CAMK2D: variants seen among roughly 807,000 people sequenced by gnomAD.
The protein encoded by CAMK2D is calcium/calmodulin-dependent protein kinase type II subunit delta.
Under a neutral mutation model 84.0 loss-of-function variants are expected in CAMK2D, and 37 were observed. The ratio of observed to expected loss-of-function variants is 0.44; its 90% CI spans 0.34 to 0.58. The LOEUF (loss-of-function observed/expected upper bound fraction) is 0.58. CAMK2D is among the 20% of genes least tolerant of loss of function. The pLI is 0.02. For synonymous variants in CAMK2D, 202 were observed against 212.5 expected, an observed-to-expected ratio of 0.95 and a Z score of 0.43; for missense variants, 448 against 652.5, an observed-to-expected ratio of 0.69 and a Z score of 3.41.
intron 2 of CAMK2D, among the ~76,000 whole-genome samples, chr4:113,728,131 AC>A (rs2099551706): frequency 6.6e-6 from 1 of 152,290 alleles, no homozygotes; most frequent in Admixed American, 6.5e-5. Context: ...CATACATCTT[AC>A]CTTACAATCC....
At chr4:113,548,437 T>C (rs547445145) in intron 5 of CAMK2D, among the ~76,000 whole-genome samples, 8 of 152,132 alleles carry the variant, frequency 5.3e-5, no homozygotes, top group Non-Finnish European at 1.0e-4. Context: ...ACTTAGCAGG[T>C]TGTATTCTTT....
chr4:113,592,328 T>C (rs1399060884), intron 4 of CAMK2D, among the ~76,000 whole-genome samples: 1 of 152,176 alleles, frequency 6.6e-6, no homozygotes, highest in Non-Finnish European at 1.5e-5. Flanking sequence ...ATGTTTTAAA[T>C]TGTAACTTTT....
chr4:113,736,947 C>T (rs533419386), intron 2 of CAMK2D, among the ~76,000 whole-genome samples: 1 of 152,296 alleles, frequency 6.6e-6, no homozygotes, highest in East Asian at 1.9e-4. Context: ...AGAATTCCAT[C>T]TTTCCCTTCA....
chr4:113,488,108 A>T (rs1293437389), intron 16 of CAMK2D, among the ~76,000 whole-genome samples: 1 of 152,136 alleles, frequency 6.6e-6, no homozygotes, highest in African/African-American at 2.4e-5. Flanking sequence ...TAAAGAAGAT[A>T]GAAGGAATAA....
chr4:113,721,482 A>G (rs767391325), intron 2 of CAMK2D, among the ~76,000 whole-genome samples: 5 of 152,184 alleles, frequency 3.3e-5, no homozygotes, highest in Non-Finnish European at 7.4e-5. Flanking sequence ...CACTAATACA[A>G]TATGTAACTT....
chr4:113,512,156 C>T (rs868499313), intron 12 of CAMK2D, among the ~76,000 whole-genome samples: 1 of 152,288 alleles, frequency 6.6e-6, no homozygotes, highest in African/African-American at 2.4e-5. Flanking sequence ...CCAAAGGTTA[C>T]CAAGTGCGGC....
intron 12 of CAMK2D, among the ~76,000 whole-genome samples, chr4:113,511,344 A>AATATAAAATTCACAT (rs564187595): frequency 9.1e-4 from 138 of 152,278 alleles, no homozygotes; most frequent in African/African-American, 3.1e-3. Flanking sequence ...AATCAGAAAC[A>AATATAAAATTCACAT]ATATAAAATT....
At chr4:113,493,760 C>T (rs1265501049) in intron 16 of CAMK2D, among the ~76,000 whole-genome samples, 2 of 151,764 alleles carry the variant, frequency 1.3e-5, no homozygotes, top group East Asian at 1.9e-4. Context: ...TTCCATTCTC[C>T]CCATCACTTT....
intron 16 of CAMK2D, among the ~76,000 whole-genome samples, chr4:113,478,858 A>G (rs1280309517): frequency 2.0e-5 from 3 of 152,194 alleles, no homozygotes; most frequent in Non-Finnish European, 4.4e-5. Flanking sequence ...TTGTAAAAAA[A>G]ATGACATTTG....
intron 16 of CAMK2D, among the ~76,000 whole-genome samples, chr4:113,467,263 T>C (rs1257679695): frequency 1.3e-5 from 2 of 152,236 alleles, no homozygotes; most frequent in African/African-American, 4.8e-5. Flanking sequence ...TTTTATTCTT[T>C]ATTGACTAAA....
Position 113,706,823 on chromosome 4 carries a change from G to T in CAMK2D, c.161-45051C>A, listed in dbSNP as rs143995367. On this transcript the variant is annotated intron_variant, in intron 2 of 20. Coordinates refer to ENST00000511664, the MANE Select transcript of CAMK2D (RefSeq NM_001321571.2). Reference sequence around the variant, plus strand: ...AATTAATGAAATGATTCAGACAGTTGCATTATCAACCATTCAGGCATAAGT... The same window carrying T: ...AATTAATGAAATGATTCAGACAGTTTCATTATCAACCATTCAGGCATAAGT... Among the ~76,000 whole-genome samples the T allele has an allele frequency of 4.5e-3, 686 of 152,280 alleles. 10 individuals are homozygous for T. The highest frequency in any genetic ancestry group is 0.016 in the African/African-American group (661 of 41,570).
At chr4:113,624,842 G>T (rs1419468837) in intron 3 of CAMK2D, among the ~76,000 whole-genome samples, 1 of 152,134 alleles carries the variant, frequency 6.6e-6, no homozygotes, top group East Asian at 1.9e-4. Context: ...TTAGACACAT[G>T]GTAACCTATA....
intron 2 of CAMK2D, among the ~76,000 whole-genome samples, chr4:113,748,813 C>T (rs1387289248): frequency 6.6e-6 from 1 of 151,668 alleles, no homozygotes; most frequent in Non-Finnish European, 1.5e-5. Context: ...TCCATATTTC[C>T]CCAAATTCTG....
intron 2 of CAMK2D, among the ~76,000 whole-genome samples, chr4:113,699,525 C>A (rs749888853): frequency 6.6e-6 from 1 of 152,148 alleles, no homozygotes; most frequent in African/African-American, 2.4e-5. Context: ...CTCTGCCCCA[C>A]TTTCCAGTCA....
intron 4 of CAMK2D, among the ~76,000 whole-genome samples, chr4:113,583,322 C>T (rs1267445707): frequency 6.6e-6 from 1 of 152,164 alleles, no homozygotes; most frequent in East Asian, 1.9e-4. Flanking sequence ...TATACTGAAG[C>T]TAACCTACAA....
intron 4 of CAMK2D, among the ~76,000 whole-genome samples, chr4:113,578,281 T>C (rs1016911560): frequency 8.5e-5 from 13 of 152,176 alleles, no homozygotes; most frequent in African/African-American, 3.1e-4. Flanking sequence ...TTCTAATTCT[T>C]GTTGGCCAGA....
chr4:113,562,136 GAA>G (rs1427667222), intron 4 of CAMK2D, among the ~76,000 whole-genome samples: 1 of 152,136 alleles, frequency 6.6e-6, no homozygotes, highest in Non-Finnish European at 1.5e-5. Flanking sequence ...AATTTAATCT[GAA>G]AAGAGTCTAG....
intron 13 of CAMK2D, among the ~76,000 whole-genome samples, chr4:113,505,289 CAAAG>C (rs1321934505): frequency 6.6e-6 from 1 of 152,190 alleles, no homozygotes; most frequent in African/African-American, 2.4e-5. Flanking sequence ...CCTTAGCAAA[CAAAG>C]AGCTGCTTCA....
intron 4 of CAMK2D, among the ~76,000 whole-genome samples, chr4:113,561,247 A>C (rs994076097): frequency 1.1e-4 from 16 of 152,324 alleles, no homozygotes; most frequent in African/African-American, 2.4e-4. Flanking sequence ...TGGGAGGCCA[A>C]GGCAGGAGGA....
Sources: allele counts gnomAD v4.1 joint callset (sites outside exome capture counted in the v4.1 genomes callset), GRCh38; gene constraint gnomAD v4.1.1; transcripts MANE v1.5; gene names NCBI Gene and HGNC (gene_info 2026-07-23, HGNC 2026-07-21).